The following SPOCK1 variants were observed in gnomAD, a reference collection of about 807,000 sequenced individuals.
SPOCK1 encodes SPARC (osteonectin), cwcv and kazal like domains proteoglycan 1.
SPOCK1 carries 23 observed loss-of-function variants against 55.3 expected under a neutral mutation model. The ratio of observed to expected loss-of-function variants is 0.42; its 90% CI spans 0.30 to 0.59. The LOEUF is 0.59. Ranked by LOEUF, SPOCK1 falls within the 20% of genes least tolerant of loss-of-function variation. The pLI is 0.22. For synonymous variants in SPOCK1, 226 were observed against 221.0 expected, an observed-to-expected ratio of 1.02 and a Z score of -0.20; for missense variants, 499 against 552.5, an observed-to-expected ratio of 0.90 and a Z score of 0.97.
At chr5:137,422,260 G>A (rs938187948) in intron 2 of SPOCK1, among the ~76,000 whole-genome samples, 1 of 152,160 alleles carries the variant, frequency 6.6e-6, no homozygotes, top group Non-Finnish European at 1.5e-5. Context: ...ACAATTATGT[G>A]TCTTGGAGTT....
chr5:137,006,909 A>G (rs10072669), intron 6 of SPOCK1, among the ~76,000 whole-genome samples: 119,700 of 152,096 alleles, frequency 0.79, 48,548 homozygotes, highest in South Asian at 0.94. Flanking sequence ...AGCATGAAGC[A>G]TTGTTGAATT....
chr5:137,343,455 AG>A (rs1186085398), intron 2 of SPOCK1, among the ~76,000 whole-genome samples: 1 of 152,188 alleles, frequency 6.6e-6, no homozygotes, highest in Non-Finnish European at 1.5e-5. Context: ...CAGTGGAAGA[AG>A]GGCCCCAAGA....
At chr5:137,233,364 A>G (rs968061825) in intron 3 of SPOCK1, among the ~76,000 whole-genome samples, 6 of 152,200 alleles carry the variant, frequency 3.9e-5, no homozygotes, top group Admixed American at 2.0e-4. Flanking sequence ...TCATAAGAAG[A>G]GCACAACCTA....
At chr5:137,091,708 G>T (rs1753057736) in intron 5 of SPOCK1, among the ~76,000 whole-genome samples, 1 of 152,126 alleles carries the variant, frequency 6.6e-6, no homozygotes, top group Non-Finnish European at 1.5e-5. Context: ...CTCCAGGCAG[G>T]GGAGCTTGAA....
At chr5:137,446,470 A>G (rs1212788709) in intron 2 of SPOCK1, among the ~76,000 whole-genome samples, 1 of 152,208 alleles carries the variant, frequency 6.6e-6, no homozygotes, top group Non-Finnish European at 1.5e-5. Flanking sequence ...CTTTGGTCTC[A>G]GCAGGATCCC....
chr5:137,364,134 G>A (rs1751007498), intron 2 of SPOCK1, among the ~76,000 whole-genome samples: 1 of 152,184 alleles, frequency 6.6e-6, no homozygotes, highest in Non-Finnish European at 1.5e-5. Flanking sequence ...TCACATGGGG[G>A]AGTGAATACC....
chr5:136,986,847 TTTGA>T (rs1428869556), intron 8 of SPOCK1, among the ~76,000 whole-genome samples: 4 of 152,206 alleles, frequency 2.6e-5, no homozygotes, highest in Non-Finnish European at 4.4e-5. Context: ...TTGATTTTTA[TTTGA>T]TTAATTTTTC....
At chr5:137,448,439 G>C (rs1753176853) in intron 2 of SPOCK1, among the ~76,000 whole-genome samples, 1 of 152,010 alleles carries the variant, frequency 6.6e-6, no homozygotes, top group South Asian at 2.1e-4. Context: ...GACTAGGGAG[G>C]ACTGGACAGA....
At chr5:137,028,850 C>T (rs1751726191) in intron 6 of SPOCK1, among the ~76,000 whole-genome samples, 1 of 152,042 alleles carries the variant, frequency 6.6e-6, no homozygotes, top group Non-Finnish European at 1.5e-5. Flanking sequence ...CATTATAGAA[C>T]CAAGAAGAAA....
chr5:137,222,274 G>A (rs57902726), intron 3 of SPOCK1, among the ~76,000 whole-genome samples: 1,945 of 152,208 alleles, frequency 0.013, 30 homozygotes, highest in East Asian at 0.073. Context: ...GTAGGTGGGG[G>A]GAACCTCTCT....
intron 2 of SPOCK1, among the ~76,000 whole-genome samples, chr5:137,270,642 C>T (rs1224863431): frequency 1.3e-5 from 2 of 152,068 alleles, no homozygotes; most frequent in Non-Finnish European, 2.9e-5. Context: ...AAACAGAGGC[C>T]CAAACTTAAG....
chr5:137,357,206 C>T lies in SPOCK1; in HGVS notation c.187-90151G>A, dbSNP rs976381734. ...ATGGAGTTTGCTATCTTACACTAGT[C>T]CATCCTCTTCTTAGGCCACCGTGCT... is the stretch of plus-strand genomic sequence containing the variant. On this transcript the variant is annotated intron_variant, in intron 2 of 10. Transcript: ENST00000394945. Among the ~76,000 whole-genome samples the T allele has an allele frequency of 3.3e-5, 5 of 152,112 alleles. No homozygotes were observed. In the South Asian group the frequency reaches 1.0e-3, roughly 32 times the overall value.
rs1489415292 is a variant in SPOCK1 at position 137,420,914 on chromosome 5, G to A, written c.186+77459C>T. On this transcript the variant is annotated intron_variant, in intron 2 of 10. Transcript: ENST00000394945. ...AGGTTGTCAATTTTAGATCTTTCCT[G>A]CTTTCTCTTGTGGGCATTTAGTGCT... 1.7e-4 allele frequency among the ~76,000 whole-genome samples: 26 copies of A among 152,254 alleles called. No individual in the cohort carries two copies. In the South Asian group the frequency reaches 5.2e-3, roughly 30 times the overall value.
intron 3 of SPOCK1, among the ~76,000 whole-genome samples, chr5:137,233,862 G>T (rs1397135827): frequency 2.0e-5 from 3 of 151,930 alleles, no homozygotes; most frequent in Non-Finnish European, 2.9e-5. Flanking sequence ...AATAGGCACA[G>T]CTTTATTTCT....
chr5:137,213,465 C>G (rs1755655985), intron 3 of SPOCK1, among the ~76,000 whole-genome samples: 1 of 152,192 alleles, frequency 6.6e-6, no homozygotes, highest in Admixed American at 6.5e-5. Context: ...CGCCATCAAA[C>G]CTCTATCAAG....
intron 2 of SPOCK1, among the ~76,000 whole-genome samples, chr5:137,330,587 G>A (rs985654607): frequency 4.6e-5 from 7 of 152,224 alleles, no homozygotes; most frequent in African/African-American, 1.7e-4. Context: ...GTTCTTGATA[G>A]TAAAAATATC....
chr5:137,289,704 C>T (rs1406417644), intron 2 of SPOCK1, among the ~76,000 whole-genome samples: 3 of 151,990 alleles, frequency 2.0e-5, no homozygotes, highest in African/African-American at 7.3e-5. Flanking sequence ...AAGCATCTCC[C>T]ACCTCAAAAA....
At chr5:137,412,415 A>G (rs1752225854) in intron 2 of SPOCK1, among the ~76,000 whole-genome samples, 1 of 152,218 alleles carries the variant, frequency 6.6e-6, no homozygotes, top group African/African-American at 2.4e-5. Flanking sequence ...AATTCATGGG[A>G]GATGGCTAAG....
chr5:137,364,935 C>T (rs1325725329), intron 2 of SPOCK1: 1 of 152,204 alleles, frequency 6.6e-6, no homozygotes, highest in Non-Finnish European at 1.5e-5. Flanking sequence ...ATGCAAACTG[C>T]TCCTTCATAC....
Sources: allele counts gnomAD v4.1 joint callset (sites outside exome capture counted in the v4.1 genomes callset), GRCh38; gene constraint gnomAD v4.1.1; transcripts MANE v1.5; gene names NCBI Gene and HGNC (gene_info 2026-07-23, HGNC 2026-07-21).